SMIM8: variants seen among roughly 807,000 people sequenced by gnomAD.
The protein encoded by SMIM8 is UPF0708 protein C6orf162.
SMIM8 carries 8 observed loss-of-function variants against 8.1 expected under a neutral mutation model. The observed-to-expected ratio is 0.99, with a 90% CI of 0.58 to 1.78. The LOEUF (loss-of-function observed/expected upper bound fraction) is 1.78, where lower values mean the gene tolerates loss of function less well. Among genes scored for constraint, SMIM8 ranks in the 40% most tolerant of loss-of-function variants. The pLI is 0.00. For synonymous variants in SMIM8, 45 were observed against 39.7 expected (o/e 1.13, Z -0.50); for missense variants, 126 against 119.8 (o/e 1.05, Z -0.24).
chr6:87,323,438 C>A (rs770994535), intron 1 of SMIM8, among the ~76,000 whole-genome samples: 42 of 117,058 alleles, frequency 3.6e-4, no homozygotes, highest in Admixed American at 5.5e-4. Flanking sequence ...CCCCACCCCA[C>A]AACAGACCTC....
chr6:87,337,122 A>C lies in SMIM8; in HGVS notation c.91A>C (p.Thr31Pro), dbSNP rs772732691. The C allele has an allele frequency of 2.5e-6, 4 of 1,612,936 alleles. No homozygotes were observed. The highest frequency in any genetic ancestry group is 1.3e-5 in the African/African-American group (1 of 74,930). ...QSPGLRGVRTTTLFRAVNPEL... is the reference protein window; with the variant it reads ...QSPGLRGVRTPTLFRAVNPEL... ...CCCAGGGCTCAGAGGGGTGCGCACA[A>C]CAACCTTATTTCGTGCTGTGAATCC... is the stretch of plus-strand genomic sequence containing the variant. The change falls in exon 3 of 4, where the codon ACA (threonine) becomes CCA (proline). Residue 31 changes from threonine to proline, a missense_variant. Transcript: ENST00000392863.
At chr6:87,338,906 C>CTTTTTTTT (rs58307492) in intron 3 of SMIM8, among the ~76,000 whole-genome samples, 19 of 116,114 alleles carry the variant, frequency 1.6e-4, no homozygotes, top group South Asian at 5.5e-4. Context: ...TATTTAAAAG[C>CTTTTTTTT]TTTTTTTTTT....
intron 2 of SMIM8, among the ~76,000 whole-genome samples, chr6:87,334,703 G>T (rs886889856): frequency 3.3e-5 from 5 of 152,200 alleles, no homozygotes; most frequent in Non-Finnish European, 7.3e-5. Context: ...ACAGATTGAT[G>T]ATTGGTGTTT....
chr6:87,340,090 C>T (rs762994096), intron 3 of SMIM8, 26 bp from the exon 4 acceptor site: 1 of 1,509,388 alleles, frequency 6.6e-7, no homozygotes, highest in African/African-American at 1.4e-5. Context: ...CTTACTAAAG[C>T]TTTATAATTT....
At chr6:87,338,182 C>G (rs1275152128) in intron 3 of SMIM8, among the ~76,000 whole-genome samples, 3 of 152,126 alleles carry the variant, frequency 2.0e-5, no homozygotes, top group African/African-American at 7.2e-5. Context: ...TTAAACTGCT[C>G]TGAGTCTGTG....
At chr6:87,329,874 A>C (rs1776951951) in intron 1 of SMIM8, among the ~76,000 whole-genome samples, 1 of 152,126 alleles carries the variant, frequency 6.6e-6, no homozygotes. Flanking sequence ...GTGAGTATGA[A>C]AGTAGCTACC....
intron 1 of SMIM8, among the ~76,000 whole-genome samples, chr6:87,329,537 C>G (rs759897638): frequency 6.6e-6 from 1 of 152,164 alleles, no homozygotes; most frequent in Non-Finnish European, 1.5e-5. Flanking sequence ...GCAATCTACC[C>G]GCTTCGGCCT....
chr6:87,328,324 C>A (rs978939361), intron 1 of SMIM8, among the ~76,000 whole-genome samples: 1 of 152,148 alleles, frequency 6.6e-6, no homozygotes, highest in Non-Finnish European at 1.5e-5. Flanking sequence ...GGAGGAGAGG[C>A]ACTCTGCTTT....
At chr6:87,337,379 T>C (rs991584589) in intron 3 of SMIM8, among the ~76,000 whole-genome samples, 1 of 152,238 alleles carries the variant, frequency 6.6e-6, no homozygotes, top group South Asian at 2.1e-4. Flanking sequence ...TTGAGAGTTA[T>C]AATGAAAAAT....
chr6:87,324,075 T>C (rs1421808729), intron 1 of SMIM8, among the ~76,000 whole-genome samples: 1 of 151,562 alleles, frequency 6.6e-6, no homozygotes, highest in Non-Finnish European at 1.5e-5. Flanking sequence ...ATGTCTTCTT[T>C]TGAGAAGTGT....
In SMIM8 at chr6:87,340,130, G is replaced by C; in HGVS notation, c.150G>C (p.Met50Ile). The C allele has an allele frequency of 2.5e-6, 4 of 1,578,674 alleles. No individual in the cohort carries two copies. The highest frequency in any genetic ancestry group is 2.6e-6 in the Non-Finnish European group (3 of 1,166,990). The change falls in exon 4 of 4, where the codon ATG becomes ATC. Residue 50 changes from methionine to isoleucine, a missense_variant. Met to Ile is a conservative substitution (Grantham distance 10, BLOSUM62 1). Transcript: ENST00000392863. ...TTCTTTGACAGAACAAACCTGTAAT[G>C]GCTTTCGGATTGGTAACTCTTTCAC... ...ELFIKPNKPVMAFGLVTLSLC... is the reference protein window; with the variant it reads ...ELFIKPNKPVIAFGLVTLSLC...
chr6:87,340,176 T>G lies in SMIM8; in HGVS notation c.196T>G (p.Tyr66Asp). Reference sequence around the variant, plus strand: ...TTCACTTTGCGTGGCATATATTGGTTATCTACATGCAATACAAGAGAATAA... The same window carrying G: ...TTCACTTTGCGTGGCATATATTGGTGATCTACATGCAATACAAGAGAATAA... The part of the protein sequence containing the change: ...TLSLCVAYIG[Y>D]LHAIQENKKD... The change falls in exon 4 of 4, where the codon TAT (tyrosine) becomes GAT (aspartate). Residue 66 changes from tyrosine (Y) to aspartate (D), a missense_variant. By Grantham distance (160) the Tyr-to-Asp change is radical. Transcript: ENST00000392863. 6.2e-7 allele frequency: 1 copy of G among 1,610,794 alleles called. No homozygotes were observed. The highest frequency in any genetic ancestry group is 8.5e-7 in the Non-Finnish European group (1 of 1,178,862).
rs555389681 is a variant in SMIM8 at position 87,340,136 on chromosome 6, C to T, written c.156C>T (p.Phe52=). Residue 52 remains phenylalanine (F), a synonymous_variant, in exon 4 of 4, where the codon TTC becomes TTT. Coordinates refer to ENST00000392863, the MANE Select transcript of SMIM8 (RefSeq NM_001042493.3). ...FIKPNKPVMA[F]GLVTLSLCVA... Reference sequence around the variant, plus strand: ...GACAGAACAAACCTGTAATGGCTTTCGGATTGGTAACTCTTTCACTTTGCG... The same window carrying T: ...GACAGAACAAACCTGTAATGGCTTTTGGATTGGTAACTCTTTCACTTTGCG... 2.1e-5 allele frequency: 34 copies of T among 1,582,234 alleles called. No homozygotes were observed. The highest frequency in any genetic ancestry group is 4.1e-5 in the African/African-American group (3 of 72,782).
At chr6:87,333,268 C>T (rs993556338) in intron 2 of SMIM8, among the ~76,000 whole-genome samples, 8 of 152,142 alleles carry the variant, frequency 5.3e-5, no homozygotes, top group African/African-American at 1.7e-4. Context: ...TTGCTCCCCA[C>T]GCTCCCCGAG....
Position 87,341,307 on chromosome 6 carries a change from G to T in SMIM8, c.*1033G>T. ...GACAGAAATGGGGGTAAAAATGAGT[G>T]TAAACAAAGCCTAGCCCTACGGTCA... is the stretch of plus-strand genomic sequence containing the variant. On this transcript the variant is annotated 3_prime_UTR_variant, in exon 4 of 4. Transcript: ENST00000392863. 1 of 398,554 alleles carries T rather than the reference G, an allele frequency of 2.5e-6. No individual in the cohort carries two copies. Among genetic ancestry groups the T allele is most frequent in the Non-Finnish European group, 4.4e-6 (1 of 226,030 alleles). 24.7% of individuals were successfully genotyped at this position (398,554 alleles called of 1,614,324 possible).
chr6:87,324,225 G>T (rs576235179), intron 1 of SMIM8, among the ~76,000 whole-genome samples: 184 of 152,218 alleles, frequency 1.2e-3, no homozygotes, highest in African/African-American at 4.4e-3. Flanking sequence ...TTTGTAGGTT[G>T]CCTGTTCACT....
At chr6:87,338,249 G>A (rs1475996952) in intron 3 of SMIM8, among the ~76,000 whole-genome samples, 1 of 152,168 alleles carries the variant, frequency 6.6e-6, no homozygotes, top group African/African-American at 2.4e-5. Context: ...TGAAATAGAA[G>A]TGTCACCTAA....
intron 2 of SMIM8, among the ~76,000 whole-genome samples, chr6:87,336,553 G>T (rs562455804): frequency 4.6e-5 from 7 of 152,156 alleles, no homozygotes; most frequent in Non-Finnish European, 1.0e-4. Flanking sequence ...GGCCAGGAGT[G>T]AATCTGTAGG....
At chr6:87,339,804 G>A (rs1344761611) in intron 3 of SMIM8, among the ~76,000 whole-genome samples, 1 of 152,080 alleles carries the variant, frequency 6.6e-6, no homozygotes, top group African/African-American at 2.4e-5. Flanking sequence ...AAAACTCCGG[G>A]TGCTGACCAG....
Sources: allele counts gnomAD v4.1 joint callset (sites outside exome capture counted in the v4.1 genomes callset), GRCh38; gene constraint gnomAD v4.1.1; transcripts MANE v1.5; gene names NCBI Gene and HGNC (gene_info 2026-07-23, HGNC 2026-07-21).